Variants in MSTO1 observed in about 807,000 individuals in gnomAD.
MSTO1 encodes misato mitochondrial distribution and morphology regulator 1.
In MSTO1, 24 loss-of-function variants were observed where a neutral mutation model predicts 55.7. The observed-to-expected ratio is 0.43, with a 90% CI of 0.31 to 0.61. MSTO1 has a LOEUF of 0.61. Ranked by LOEUF, MSTO1 falls within the 20% of genes least tolerant of loss-of-function variation. MSTO1 has a pLI of 0.09. For missense variants in MSTO1, 363 were observed against 625.7 expected (o/e 0.58, Z 4.48); for synonymous variants, 162 against 252.8 (o/e 0.64, Z 3.41).
chr1:155,609,168 C>A (rs1161064392), upstream of MSTO1, among the ~76,000 whole-genome samples: 2 of 145,756 alleles, frequency 1.4e-5, no homozygotes, highest in Admixed American at 7.0e-5. Context: ...TTAATCATAG[C>A]ACCTAATAGC....
rs774818321 is a variant in MSTO1 at position 155,613,534 on chromosome 1, G to C, written c.1356G>C (p.Gln452His). The C allele has an allele frequency of 1.6e-5, 26 of 1,613,080 alleles. No individual in the cohort carries two copies. The highest frequency in any genetic ancestry group is 1.6e-4 in the Middle Eastern group (1 of 6,082). The change falls in exon 12 of 14, where the codon CAG (glutamine) becomes CAC (histidine). Residue 452 changes from glutamine (Q) to histidine (H), a missense_variant. By Grantham distance (24) the Gln-to-His change is conservative. Coordinates refer to ENST00000245564, the MANE Select transcript of MSTO1 (RefSeq NM_018116.4). The stretch of plus-strand genomic sequence containing the variant: ...CCACTGGGGAAGAAATCTTGGCTCA[G>C]TATTTACAACAGCAGCAGCCTGGAG... Reference protein sequence around the residue: ...ACTTGEEILAQYLQQQQPGVM... With the variant: ...ACTTGEEILAHYLQQQQPGVM...
chr1:155,611,397 A>G, intron 4 of MSTO1, 106 bp downstream of exon 4: 1 of 1,605,922 alleles, frequency 6.2e-7, no homozygotes, highest in Non-Finnish European at 8.5e-7. Flanking sequence ...TTAGAATGAT[A>G]TTTTGGGAAA....
At chr1:155,597,916 G>C in the MSTO1 span, among the ~76,000 whole-genome samples, 11 of 149,624 alleles carry the variant, frequency 7.4e-5, no homozygotes, top group South Asian at 2.1e-4. Context: ...TCCTGGGTTC[G>C]AGCGATTCTC....
the MSTO1 span, among the ~76,000 whole-genome samples, chr1:155,579,294 CAA>C: frequency 6.6e-6 from 1 of 151,628 alleles, no homozygotes; most frequent in East Asian, 2.0e-4. Flanking sequence ...GCCTGGGCAA[CAA>C]GAGTGAAACT....
the MSTO1 span, among the ~76,000 whole-genome samples, chr1:155,565,234 G>A: frequency 4.2e-4 from 64 of 151,168 alleles, no homozygotes; most frequent in African/African-American, 1.6e-3. Context: ...GGGAGAGGTT[G>A]CAGTGAGTCG....
the MSTO1 span, among the ~76,000 whole-genome samples, chr1:155,567,774 G>A: frequency 6.7e-6 from 1 of 150,322 alleles, no homozygotes; most frequent in South Asian, 2.2e-4. Context: ...GGTGGCTCAT[G>A]CCTGTAACCC....
Position 155,612,289 on chromosome 1 carries a change from C to T in MSTO1, c.786C>T (p.Gly262=), listed in dbSNP as rs569533377. ...EYSGRGIITW[G]LLPGPYHRGE... ...CAGGGCGGGGAATAATAACCTGGGG[C>T]CTGCTACCTGGTCCCTACCATCGTG... The change falls in exon 8 of 14, where the codon GGC becomes GGT. Residue 262 remains glycine, a synonymous_variant. Coordinates refer to ENST00000245564, the MANE Select transcript of MSTO1 (RefSeq NM_018116.4). 5.0e-6 allele frequency: 8 copies of T among 1,588,260 alleles called. No individual in the cohort carries two copies. The East Asian group carries it at 1.1e-4, about 22-fold the overall frequency.
At chr1:155,587,143 G>A in the MSTO1 span, among the ~76,000 whole-genome samples, 1 of 152,150 alleles carries the variant, frequency 6.6e-6, no homozygotes, top group Non-Finnish European at 1.5e-5. Flanking sequence ...ACAAGTTTCA[G>A]TAGAATAACT....
upstream of MSTO1, among the ~76,000 whole-genome samples, chr1:155,609,276 C>T (rs1673317515): frequency 3.0e-5 from 3 of 101,518 alleles, no homozygotes; most frequent in South Asian, 3.9e-4. Flanking sequence ...GACAGAGTCT[C>T]GCTCTGTCGC....
chr1:155,564,844 G>T, the MSTO1 span, among the ~76,000 whole-genome samples: 2 of 152,194 alleles, frequency 1.3e-5, no homozygotes, highest in Non-Finnish European at 2.9e-5. Flanking sequence ...AAATGAGGCT[G>T]GGTGTGGTAG....
chr1:155,573,346 T>G, the MSTO1 span, among the ~76,000 whole-genome samples: 1 of 152,152 alleles, frequency 6.6e-6, no homozygotes, highest in Non-Finnish European at 1.5e-5. Flanking sequence ...GTGGATCGCT[T>G]GAGCCCAAGA....
chr1:155,575,972 G>A, the MSTO1 span, among the ~76,000 whole-genome samples: 1 of 151,312 alleles, frequency 6.6e-6, no homozygotes, highest in African/African-American at 2.4e-5. Context: ...ACAGGCACAC[G>A]TCACCACGCC....
At chr1:155,613,625 A>G in intron 12 of MSTO1, 32 bp from the exon 13 acceptor site, 1 of 1,580,512 alleles carries the variant, frequency 6.3e-7, no homozygotes, top group Non-Finnish European at 8.7e-7. Flanking sequence ...TTGACTTCTT[A>G]CGCACTTAAT....
At chr1:155,578,507 CTTTT>C in the MSTO1 span, among the ~76,000 whole-genome samples, 71 of 99,508 alleles carry the variant, frequency 7.1e-4, 1 homozygote, top group Non-Finnish European at 1.2e-3. Context: ...CCCGGCTAAT[CTTTT>C]TTTTTTTTTT....
At chr1:155,567,661 C>T in the MSTO1 span, among the ~76,000 whole-genome samples, 1 of 151,516 alleles carries the variant, frequency 6.6e-6, no homozygotes, top group Non-Finnish European at 1.5e-5. Context: ...GTCTTGAACT[C>T]CTGGCCTTAG....
Position 155,614,704 on chromosome 1 carries a change from AGAT to A in MSTO1, c.*435_*437del, listed in dbSNP as rs1486242991. The A allele has an allele frequency of 1.3e-6, 2 of 1,575,782 alleles. No homozygotes were observed. The highest frequency in any genetic ancestry group is 2.7e-5 in the African/African-American group (2 of 73,822). On this transcript the variant is annotated 3_prime_UTR_variant, in exon 14 of 14. Coordinates refer to ENST00000245564, the MANE Select transcript of MSTO1 (RefSeq NM_018116.4). Reference sequence around the variant, plus strand: ...GCGCCTGTTGGGTTTGGTCCTGTGTAGATGATTCCCAGAGTCTCATTCATCCAG... The same window carrying A: ...GCGCCTGTTGGGTTTGGTCCTGTGTAGATTCCCAGAGTCTCATTCATCCAG...
At chr1:155,593,471 T>C in the MSTO1 span, among the ~76,000 whole-genome samples, 1 of 152,236 alleles carries the variant, frequency 6.6e-6, no homozygotes, top group Non-Finnish European at 1.5e-5. Context: ...TGGTTCACCA[T>C]CTACTAACTC....
the MSTO1 span, among the ~76,000 whole-genome samples, chr1:155,573,551 G>A: frequency 6.6e-6 from 1 of 151,444 alleles, no homozygotes; most frequent in African/African-American, 2.4e-5. Flanking sequence ...AAAAAAATAC[G>A]AACTGACCAG....
rs150293691 is a variant in MSTO1 at position 155,612,332 on chromosome 1, A to C, written c.813+16A>C. 3.6e-4 allele frequency: 566 copies of C among 1,575,332 alleles called. 3 individuals are homozygous for C. The African/African-American group carries it at 6.8e-3, about 19-fold the overall frequency. ...CCATCGTGGGGTGAGTGGAACTTAGAGAAGTAAACAGTCACACAGTGGGGA... is the reference window on the plus strand; with the variant it reads ...CCATCGTGGGGTGAGTGGAACTTAGCGAAGTAAACAGTCACACAGTGGGGA... On this transcript the variant is annotated intron_variant, in intron 8 of 13. Transcript: ENST00000245564.
Sources: gnomAD v4.1 joint callset for allele counts (sites outside exome capture counted in the v4.1 genomes callset) on GRCh38, gnomAD v4.1.1 for gene constraint, MANE v1.5 for transcripts, NCBI Gene and HGNC (gene_info 2026-07-23, HGNC 2026-07-21) for gene names.